The following CADM2 variants were observed in gnomAD, a reference collection of about 807,000 sequenced individuals.
The protein encoded by CADM2 is cell adhesion molecule 2.
In CADM2, 12 loss-of-function variants were observed where a neutral mutation model predicts 49.8. That is an observed-to-expected ratio of 0.24 (90% CI 0.15 to 0.39). The LOEUF (loss-of-function observed/expected upper bound fraction) is 0.39. Ranked by LOEUF, CADM2 falls within the 10% of genes least tolerant of loss-of-function variation. CADM2 has a pLI of 1.00. For synonymous variants in CADM2, 214 were observed against 175.4 expected, an observed-to-expected ratio of 1.22 and a Z score of -1.74; for missense variants, 378 against 492.3, an observed-to-expected ratio of 0.77 and a Z score of 2.20.
intron 2 of CADM2, among the ~76,000 whole-genome samples, chr3:85,748,217 T>G (rs2068698010): frequency 6.6e-6 from 1 of 152,018 alleles, no homozygotes; most frequent in African/African-American, 2.4e-5. Context: ...ATCAAAGCCT[T>G]TCTCTCATCA....
At chr3:85,415,485 C>A (rs1462129859) in intron 1 of CADM2, among the ~76,000 whole-genome samples, 2 of 150,694 alleles carry the variant, frequency 1.3e-5, no homozygotes, top group Non-Finnish European at 3.0e-5. Context: ...AACCGTTGCC[C>A]TAATGTTCTT....
chr3:85,997,721 CTTT>C (rs1729602192), intron 8 of CADM2, among the ~76,000 whole-genome samples: 1 of 151,986 alleles, frequency 6.6e-6, no homozygotes, highest in Admixed American at 6.6e-5. Flanking sequence ...ATTTTTAGTT[CTTT>C]GTTTTTCATG....
At chr3:85,395,064 CACA>C (rs2034704145) in intron 1 of CADM2, among the ~76,000 whole-genome samples, 1 of 151,370 alleles carries the variant, frequency 6.6e-6, no homozygotes, top group Admixed American at 6.6e-5. Flanking sequence ...TGCTGGGAAA[CACA>C]ACAACCCAAA....
At chr3:85,154,310 C>G (rs761410999) in intron 1 of CADM2, among the ~76,000 whole-genome samples, 36 of 152,030 alleles carry the variant, frequency 2.4e-4, no homozygotes, top group Non-Finnish European at 4.7e-4. Context: ...CTCAGGAGCT[C>G]ATGCGATCAA....
At chr3:86,000,027 T>G (rs546071325) in intron 8 of CADM2, among the ~76,000 whole-genome samples, 68 of 152,294 alleles carry the variant, frequency 4.5e-4, no homozygotes, top group African/African-American at 1.2e-3. Context: ...ATAAAGCCAC[T>G]AAGGGTTCAA....
intron 2 of CADM2, among the ~76,000 whole-genome samples, chr3:85,754,652 G>A (rs2069017400): frequency 2.0e-5 from 3 of 152,092 alleles, no homozygotes; most frequent in African/African-American, 7.2e-5. Flanking sequence ...TCACAAAATA[G>A]TGCTAATCAA....
At chr3:85,529,785 A>G (rs768158831) in intron 1 of CADM2, among the ~76,000 whole-genome samples, 1 of 151,872 alleles carries the variant, frequency 6.6e-6, no homozygotes, top group Non-Finnish European at 1.5e-5. Flanking sequence ...CCTTCTACCT[A>G]TGATACTCAG....
At chr3:85,979,097 G>T in intron 8 of CADM2, 1 of 1,539,218 alleles carries the variant, frequency 6.5e-7, no homozygotes, top group Non-Finnish European at 8.9e-7. Flanking sequence ...TTTATAATTT[G>T]AATCATTTGT....
intron 1 of CADM2, among the ~76,000 whole-genome samples, chr3:85,333,444 C>G (rs2044991334): frequency 6.6e-6 from 1 of 151,582 alleles, no homozygotes; most frequent in Non-Finnish European, 1.5e-5. Context: ...TTAGAAACAA[C>G]TTTTTAGTGA....
chr3:85,943,663 A>G (rs2108562640), intron 7 of CADM2, among the ~76,000 whole-genome samples: 1 of 152,076 alleles, frequency 6.6e-6, no homozygotes, highest in East Asian at 1.9e-4. Flanking sequence ...ACAAGGCTAC[A>G]GTACCCAAAA....
chr3:85,422,729 A>T (rs2036230669), intron 1 of CADM2, among the ~76,000 whole-genome samples: 1 of 152,008 alleles, frequency 6.6e-6, no homozygotes, highest in Non-Finnish European at 1.5e-5. Context: ...CCCTTGTGAG[A>T]TGGGCAACTG....
At chr3:85,969,635 T>G (rs569145116) in intron 8 of CADM2, among the ~76,000 whole-genome samples, 2 of 151,380 alleles carry the variant, frequency 1.3e-5, no homozygotes, top group Non-Finnish European at 3.0e-5. Flanking sequence ...TACATATGTA[T>G]ATATATGTAC....
At chr3:85,865,991 A>G (rs1467617606) in intron 3 of CADM2, among the ~76,000 whole-genome samples, 2 of 152,130 alleles carry the variant, frequency 1.3e-5, no homozygotes, top group Non-Finnish European at 2.9e-5. Context: ...TAGCTAGGAC[A>G]CTATGAACAG....
At chr3:85,361,423 G>A (rs1305169662) in intron 1 of CADM2, among the ~76,000 whole-genome samples, 2 of 151,970 alleles carry the variant, frequency 1.3e-5, no homozygotes, top group African/African-American at 4.8e-5. Context: ...TTAGCCTAAT[G>A]GTCTCCAAAT....
chr3:85,479,022 A>G (rs2039098233), intron 1 of CADM2, among the ~76,000 whole-genome samples: 1 of 151,708 alleles, frequency 6.6e-6, no homozygotes, highest in African/African-American at 2.4e-5. Flanking sequence ...TAACTAACTG[A>G]AGCTTCAACC....
At chr3:86,031,924 A>C (rs1434045616) in intron 8 of CADM2, among the ~76,000 whole-genome samples, 1 of 151,738 alleles carries the variant, frequency 6.6e-6, no homozygotes, top group East Asian at 1.9e-4. Context: ...CAGAGAACTA[A>C]TTGGGGACAA....
intron 1 of CADM2, among the ~76,000 whole-genome samples, chr3:85,229,149 G>A (rs192195875): frequency 6.6e-6 from 1 of 152,102 alleles, no homozygotes; most frequent in African/African-American, 2.4e-5. Context: ...AATGGTGGAC[G>A]ACCCTCCCCC....
intron 1 of CADM2, among the ~76,000 whole-genome samples, chr3:85,391,142 ACTT>A (rs2034498393): frequency 6.6e-6 from 1 of 151,902 alleles, no homozygotes; most frequent in Non-Finnish European, 1.5e-5. Context: ...CCAGTCGTTT[ACTT>A]CTTCTTTCCA....
intron 1 of CADM2, among the ~76,000 whole-genome samples, chr3:85,105,086 G>T (rs934367549): frequency 1.3e-5 from 2 of 151,918 alleles, no homozygotes; most frequent in African/African-American, 4.8e-5. Context: ...TAATTTCCCT[G>T]GCCAGAACTT....
Sources: allele counts gnomAD v4.1 joint callset (sites outside exome capture counted in the v4.1 genomes callset), GRCh38; gene constraint gnomAD v4.1.1; transcripts MANE v1.5; gene names NCBI Gene and HGNC (gene_info 2026-07-23, HGNC 2026-07-21).